The following PTPRO variants were observed in gnomAD, a reference collection of about 807,000 sequenced individuals.
PTPRO encodes the protein protein tyrosine phosphatase receptor type O.
PTPRO carries 62 observed loss-of-function variants against 145.2 expected under a neutral mutation model. The observed-to-expected ratio is 0.43, with a 90% CI of 0.35 to 0.53. The LOEUF (loss-of-function observed/expected upper bound fraction) is 0.53. PTPRO is among the 20% of genes least tolerant of loss of function. PTPRO has a pLI of 0.01. For missense variants in PTPRO, 1,345 were observed against 1,482.7 expected (o/e 0.91, Z 1.53); for synonymous variants, 565 against 514.7 (o/e 1.10, Z -1.32).
rs529204700 is a variant in PTPRO, at chr12:15,322,850, G to A, written c.75+49G>A. 4 of 1,571,248 alleles carry A rather than the reference G, an allele frequency of 2.5e-6. No individual in the cohort carries two copies. The highest frequency in any genetic ancestry group is 1.1e-5 in the South Asian group (1 of 87,490). On this transcript the variant is annotated intron_variant, in intron 1 of 26. Transcript: ENST00000281171. The surrounding 1 kb of genome is among the most constrained non-coding windows in gnomAD (Gnocchi z 6.3). Reference sequence around the variant, plus strand: ...TTTCCCAGCGGTCCGGGCGGCAGCCGCGCTCCGGCGCCCTCGCTCTGCCGT... The same window carrying A: ...TTTCCCAGCGGTCCGGGCGGCAGCCACGCTCCGGCGCCCTCGCTCTGCCGT...
At chr12:15,580,339 T>A (rs902177482) in intron 21 of PTPRO, among the ~76,000 whole-genome samples, 1 of 152,224 alleles carries the variant, frequency 6.6e-6, no homozygotes, top group Admixed American at 6.5e-5. Flanking sequence ...AAAGGGAAAG[T>A]AGAAAGGTTA....
At chr12:15,441,419 A>G (rs921159017) in intron 1 of PTPRO, among the ~76,000 whole-genome samples, 2 of 152,204 alleles carry the variant, frequency 1.3e-5, no homozygotes, top group African/African-American at 4.8e-5. Context: ...ATCTCAAATT[A>G]ACGATCTAAT....
chr12:15,483,189 T>A (rs1941815893), intron 1 of PTPRO, among the ~76,000 whole-genome samples: 1 of 151,928 alleles, frequency 6.6e-6, no homozygotes, highest in Non-Finnish European at 1.5e-5. Context: ...AGTACATGAG[T>A]CTTGTTTGAG....
intron 8 of PTPRO, among the ~76,000 whole-genome samples, chr12:15,516,139 T>C (rs546756390): frequency 1.3e-5 from 2 of 151,316 alleles, no homozygotes; most frequent in Non-Finnish European, 3.0e-5. Context: ...TACAGGTACA[T>C]GCCACCATGC....
At chr12:15,371,151 AGAT>A (rs958560686) in intron 1 of PTPRO, among the ~76,000 whole-genome samples, 2 of 152,226 alleles carry the variant, frequency 1.3e-5, no homozygotes, top group African/African-American at 4.8e-5. Flanking sequence ...CAATTAGAAA[AGAT>A]GATATCTTGT....
At chr12:15,402,040 G>T (rs1050390393) in intron 1 of PTPRO, among the ~76,000 whole-genome samples, 1 of 152,068 alleles carries the variant, frequency 6.6e-6, no homozygotes, top group Non-Finnish European at 1.5e-5. Flanking sequence ...TTTAATGTAG[G>T]GCATGAAAGG....
At chr12:15,440,336 C>T (rs1052355053) in intron 1 of PTPRO, 3 of 460,094 alleles carry the variant, frequency 6.5e-6, no homozygotes, top group African/African-American at 4.1e-5. Flanking sequence ...ATTCACTGAG[C>T]ACTTCTTCAA....
chr12:15,482,670 A>T (rs1232452392), intron 1 of PTPRO, among the ~76,000 whole-genome samples: 1 of 152,192 alleles, frequency 6.6e-6, no homozygotes, highest in Non-Finnish European at 1.5e-5. Context: ...TCAATTAAAA[A>T]TAAGAATAAT....
chr12:15,476,471 T>C (rs1157687615), intron 1 of PTPRO, among the ~76,000 whole-genome samples: 1 of 151,748 alleles, frequency 6.6e-6, no homozygotes, highest in Non-Finnish European at 1.5e-5. Context: ...ATTAGCCCTT[T>C]GTCAGATGAG....
intron 1 of PTPRO, among the ~76,000 whole-genome samples, chr12:15,358,619 A>G (rs184161773): frequency 2.0e-5 from 3 of 152,312 alleles, no homozygotes; most frequent in Admixed American, 1.3e-4. Context: ...ACAGATGAAG[A>G]AATTCTGTGT....
chr12:15,546,740 T>A, intron 13 of PTPRO, 32 bp downstream of exon 13: 1 of 1,612,862 alleles, frequency 6.2e-7, no homozygotes, highest in South Asian at 1.1e-5. Flanking sequence ...CTTTTCTCAG[T>A]TAACTTAAGT....
At chr12:15,587,338 G>C (rs1944451251) in intron 24 of PTPRO, among the ~76,000 whole-genome samples, 1 of 152,198 alleles carries the variant, frequency 6.6e-6, no homozygotes, top group Non-Finnish European at 1.5e-5. Flanking sequence ...AGAACATGGA[G>C]GAGTTAGTAT....
At chr12:15,384,841 T>C (rs1258899675) in intron 1 of PTPRO, among the ~76,000 whole-genome samples, 3 of 152,212 alleles carry the variant, frequency 2.0e-5, no homozygotes, top group African/African-American at 7.2e-5. Flanking sequence ...TGTGAGTTTT[T>C]CTTGTATAGA....
chr12:15,410,432 C>G (rs960950571), intron 1 of PTPRO: 2 of 152,234 alleles, frequency 1.3e-5, no homozygotes, highest in Non-Finnish European at 2.9e-5. Context: ...TTCACCTGCT[C>G]TCTGCTGGAC....
chr12:15,375,140 A>G (rs938008889), intron 1 of PTPRO, among the ~76,000 whole-genome samples: 1 of 152,242 alleles, frequency 6.6e-6, no homozygotes, highest in African/African-American at 2.4e-5. Context: ...ACTTTACAGA[A>G]TTAGCCCTAG....
chr12:15,389,575 G>A (rs560596790), intron 1 of PTPRO, among the ~76,000 whole-genome samples: 1 of 152,244 alleles, frequency 6.6e-6, no homozygotes, highest in South Asian at 2.1e-4. Context: ...ACATATTGCT[G>A]TCAATAGAGT....
intron 1 of PTPRO, chr12:15,346,717 TA>T (rs1253488793): frequency 2.0e-5 from 3 of 152,194 alleles, no homozygotes; most frequent in African/African-American, 7.2e-5. Context: ...GTCATGAGGA[TA>T]GGGAGACCAA....
chr12:15,518,557 C>A (rs185055665), intron 9 of PTPRO, among the ~76,000 whole-genome samples: 5 of 152,298 alleles, frequency 3.3e-5, no homozygotes, highest in Admixed American at 3.3e-4. Flanking sequence ...TGTCAAGCTG[C>A]AAATTTTCCA....
intron 1 of PTPRO, among the ~76,000 whole-genome samples, chr12:15,432,145 C>T (rs954346541): frequency 4.6e-5 from 7 of 152,168 alleles, no homozygotes; most frequent in African/African-American, 1.4e-4. Context: ...TGATCCTCTT[C>T]CTCCTCTCAC....
Sources: gnomAD v4.1 joint callset for allele counts (sites outside exome capture counted in the v4.1 genomes callset) on GRCh38, gnomAD v4.1.1 for gene constraint, Gnocchi (gnomAD v3.1) non-coding constraint, MANE v1.5 for transcripts, NCBI Gene and HGNC (gene_info 2026-07-23, HGNC 2026-07-21) for gene names.